WDR35: variants seen among roughly 807,000 people sequenced by gnomAD.
The protein encoded by WDR35 is WD repeat-containing protein 35.
Under a neutral mutation model 158.3 loss-of-function variants are expected in WDR35, and 118 were observed. That is an observed-to-expected ratio of 0.75 (90% CI 0.64 to 0.87). The LOEUF (loss-of-function observed/expected upper bound fraction) is 0.87, where lower values mean the gene tolerates loss of function less well. Among genes scored for constraint, WDR35 ranks in the 40% least tolerant of loss-of-function variants. WDR35 has a pLI of 0.00. For synonymous variants in WDR35, 448 were observed against 476.1 expected (o/e 0.94, Z 0.77); for missense variants, 1,263 against 1,405.8 (o/e 0.90, Z 1.62).
At chr2:19,953,254 T>C (rs1024971106) in intron 12 of WDR35, among the ~76,000 whole-genome samples, 5 of 152,178 alleles carry the variant, frequency 3.3e-5, no homozygotes, top group Non-Finnish European at 5.9e-5. Context: ...CTGTGGGGAA[T>C]CCCTCTATCC....
At chr2:19,916,783 G>A (rs144276266) in intron 25 of WDR35, among the ~76,000 whole-genome samples, 60 of 152,314 alleles carry the variant, frequency 3.9e-4, no homozygotes, top group African/African-American at 1.1e-3. Context: ...TGGGGAAAGG[G>A]GTGGTTATGG....
chr2:19,968,560 G>A (rs1671931406), intron 9 of WDR35, among the ~76,000 whole-genome samples: 2 of 152,080 alleles, frequency 1.3e-5, no homozygotes, highest in South Asian at 4.1e-4. Flanking sequence ...TTTGGCCATT[G>A]GGAGGCTCTT....
At chr2:19,958,029 A>G (rs1671505828) in intron 11 of WDR35, among the ~76,000 whole-genome samples, 1 of 152,254 alleles carries the variant, frequency 6.6e-6, no homozygotes, top group Non-Finnish European at 1.5e-5. Context: ...ATAAATGCCT[A>G]CATCTGTAAT....
Position 19,928,295 on chromosome 2 carries a change from A to G in WDR35, c.3121+2101T>C, listed in dbSNP as rs1249767848. On this transcript the variant is annotated intron_variant, in intron 25 of 26. Coordinates refer to ENST00000281405, the MANE Select transcript of WDR35 (RefSeq NM_020779.4). ...TTCAGCCCATCCCTTCGTTTCCCAT[A>G]AGGGATACTTTTAGTTAATCGAATA... Among the ~76,000 whole-genome samples, 5 of 152,206 alleles carry G rather than the reference A, an allele frequency of 3.3e-5. No homozygotes were observed. In the East Asian group the frequency reaches 7.7e-4, roughly 23 times the overall value.
intron 2 of WDR35, among the ~76,000 whole-genome samples, chr2:19,985,194 T>C (rs1332015162): frequency 3.9e-5 from 6 of 151,910 alleles, no homozygotes; most frequent in Admixed American, 3.9e-4. Flanking sequence ...GGGCTCTCTA[T>C]TTCCTCTCAT....
At chr2:19,974,719 A>C in intron 6 of WDR35, 86 bp from the exon 7 acceptor site, 2 of 1,314,344 alleles carry the variant, frequency 1.5e-6, no homozygotes, top group East Asian at 5.2e-5. Context: ...TGTAGAAAGA[A>C]CACTGAAAAA....
chr2:19,918,880 CTGTGGACCAAG>C (rs1670071637), intron 25 of WDR35, among the ~76,000 whole-genome samples: 1 of 152,198 alleles, frequency 6.6e-6, no homozygotes, highest in Non-Finnish European at 1.5e-5. Flanking sequence ...TTGAACTCAG[CTGTGGACCAAG>C]TGAACTTAAT....
chr2:19,956,958 A>T (rs1477285097), intron 11 of WDR35, among the ~76,000 whole-genome samples: 1 of 152,180 alleles, frequency 6.6e-6, no homozygotes, highest in African/African-American at 2.4e-5. Context: ...GAATGTTTAA[A>T]AATATGACAG....
chr2:19,926,440 G>A (rs1670357333), intron 25 of WDR35, among the ~76,000 whole-genome samples: 1 of 152,222 alleles, frequency 6.6e-6, no homozygotes, highest in African/African-American at 2.4e-5. Context: ...CTGTAATTGA[G>A]GTAATGACTG....
In WDR35 at chr2:19,966,853, T is replaced by C. The variant is rs1353279038; in HGVS notation, c.1065A>G (p.Glu355=). Residue 355 remains glutamate (E), a synonymous_variant, in exon 10 of 27, where the codon GAA becomes GAG. Coordinates refer to ENST00000281405, the MANE Select transcript of WDR35 (RefSeq NM_020779.4). ...TCGTATCCCAGAAGACAACACAATA[T>C]TCTGGACGATCAGGTCTGGTATATG... ...VYAYTRPDRP[E]YCVVFWDTKN... is the part of the protein sequence containing the mutation. The C allele has an allele frequency of 1.2e-6, 2 of 1,613,974 alleles. No individual in the cohort carries two copies. Among genetic ancestry groups the C allele is most frequent in the East Asian group, 2.2e-5 (1 of 44,852 alleles).
rs761123328 is a variant in WDR35, at chr2:19,990,021, G to A, written c.-6C>T. 6.2e-6 allele frequency: 10 copies of A among 1,613,794 alleles called. No individual in the cohort carries two copies. Among genetic ancestry groups the A allele is most frequent in the South Asian group, 1.1e-5 (1 of 91,004 alleles). On this transcript the variant is annotated 5_prime_UTR_variant, in exon 1 of 27. Transcript: ENST00000281405. ...TTGCTCAGGTAGAAGAACATCGTGG[G>A]ATCCCCGAGAGGGTCACGGCGGCCG...
chr2:19,964,514 G>C (rs568322524), intron 10 of WDR35, among the ~76,000 whole-genome samples: 14 of 151,478 alleles, frequency 9.2e-5, no homozygotes, highest in Non-Finnish European at 1.9e-4. Flanking sequence ...CTCCTGAGTA[G>C]CTGGGACTAC....
intron 10 of WDR35, among the ~76,000 whole-genome samples, chr2:19,964,642 C>T (rs1671789672): frequency 6.6e-6 from 1 of 151,450 alleles, no homozygotes; most frequent in Non-Finnish European, 1.5e-5. Flanking sequence ...CCTCGGCCTC[C>T]CAAAGTGGCC....
chr2:19,978,587 C>G (rs1481792086), intron 5 of WDR35, among the ~76,000 whole-genome samples, 164 bp downstream of exon 5: 2 of 152,124 alleles, frequency 1.3e-5, no homozygotes, highest in Non-Finnish European at 2.9e-5. Flanking sequence ...TGGTTAAAAT[C>G]AAAGAACGGT....
chr2:19,963,413 C>T (rs1187559897), intron 10 of WDR35, among the ~76,000 whole-genome samples: 2 of 152,066 alleles, frequency 1.3e-5, no homozygotes, highest in Non-Finnish European at 2.9e-5. Flanking sequence ...TTATTACTAA[C>T]ACAAATCCCC....
intron 16 of WDR35, among the ~76,000 whole-genome samples, chr2:19,943,338 C>A (rs192397899): frequency 6.4e-4 from 98 of 152,144 alleles, no homozygotes; most frequent in African/African-American, 2.1e-3. Context: ...GAGTATTTGA[C>A]ACATGAGACT....
intron 6 of WDR35, 131 bp downstream of exon 6, chr2:19,975,398 GA>G (rs893697657): frequency 2.4e-5 from 28 of 1,173,760 alleles, no homozygotes; most frequent in Middle Eastern, 2.9e-4. Context: ...TTGGGAAAAA[GA>G]AAAAAAATCT....
At chr2:19,961,097 T>C (rs969426964) in intron 10 of WDR35, among the ~76,000 whole-genome samples, 1 of 152,202 alleles carries the variant, frequency 6.6e-6, no homozygotes, top group Non-Finnish European at 1.5e-5. Flanking sequence ...ACATTAATTC[T>C]GCTAAAATTG....
chr2:19,980,241 T>C (rs1051727081), intron 4 of WDR35, among the ~76,000 whole-genome samples: 7 of 152,208 alleles, frequency 4.6e-5, no homozygotes, highest in African/African-American at 1.4e-4. Context: ...TGCTATGTAT[T>C]ATAAAAGGTT....
Sources: gnomAD v4.1 joint callset for allele counts (sites outside exome capture counted in the v4.1 genomes callset) on GRCh38, gnomAD v4.1.1 for gene constraint, MANE v1.5 for transcripts, NCBI Gene and HGNC (gene_info 2026-07-23, HGNC 2026-07-21) for gene names.